Variants in CSMD1 observed in about 807,000 individuals in gnomAD.
The protein encoded by CSMD1 is CUB and Sushi multiple domains 1, also known as CUB and sushi domain-containing protein 1.
Under a neutral mutation model 417.5 loss-of-function variants are expected in CSMD1, and 213 were observed. That is an observed-to-expected ratio of 0.51 (90% CI 0.46 to 0.57). CSMD1 has a LOEUF of 0.57. Among genes scored for constraint, CSMD1 ranks in the 20% least tolerant of loss-of-function variants. The probability of loss-of-function intolerance (pLI) is 0.00; values close to 1 mark genes in which losing one functional copy is unlikely to be tolerated. For missense variants in CSMD1, 6,923 were observed against 4,529.7 expected, an observed-to-expected ratio of 1.53 and a Z score of -15.17; for synonymous variants, 2,862 against 1,736.8, an observed-to-expected ratio of 1.65 and a Z score of -16.11.
chr8:3,437,608 T>G (rs1814652643), intron 12 of CSMD1, among the ~76,000 whole-genome samples: 1 of 152,124 alleles, frequency 6.6e-6, no homozygotes, highest in Admixed American at 6.6e-5. Context: ...TCCTTCAGAG[T>G]AGATTCTCTT....
intron 10 of CSMD1, among the ~76,000 whole-genome samples, chr8:3,499,919 T>A (rs1020693192): frequency 6.6e-6 from 1 of 152,024 alleles, no homozygotes; most frequent in African/African-American, 2.4e-5. Context: ...AGGAACCCGG[T>A]GTGAGTTCTC....
intron 36 of CSMD1, among the ~76,000 whole-genome samples, chr8:3,186,486 G>C (rs1215172978): frequency 5.3e-5 from 8 of 152,156 alleles, no homozygotes; most frequent in Admixed American, 2.6e-4. Context: ...CACCTTAAAT[G>C]GCCATGCCCA....
chr8:3,136,561 G>A (rs1818104932), intron 41 of CSMD1, among the ~76,000 whole-genome samples: 2 of 152,016 alleles, frequency 1.3e-5, no homozygotes, highest in Admixed American at 6.6e-5. Flanking sequence ...CACCGTGACC[G>A]GCTCATCCCT....
At chr8:3,948,536 T>A (rs1038640306) in intron 5 of CSMD1, among the ~76,000 whole-genome samples, 13 of 152,126 alleles carry the variant, frequency 8.5e-5, no homozygotes, top group African/African-American at 3.1e-4. Flanking sequence ...TTTATATATA[T>A]TATATTTGGT....
intron 3 of CSMD1, among the ~76,000 whole-genome samples, chr8:4,243,471 G>C (rs1021627413): frequency 6.6e-6 from 1 of 152,142 alleles, no homozygotes; most frequent in African/African-American, 2.4e-5. Flanking sequence ...CTTCTAGCCA[G>C]TATGTCTACT....
At chr8:3,703,580 C>A (rs914072887) in intron 7 of CSMD1, among the ~76,000 whole-genome samples, 1 of 151,998 alleles carries the variant, frequency 6.6e-6, no homozygotes, top group Non-Finnish European at 1.5e-5. Context: ...CCCAAACTTT[C>A]AAGGGGCTCA....
chr8:3,694,861 A>G (rs1422608149), intron 7 of CSMD1, among the ~76,000 whole-genome samples: 1 of 152,050 alleles, frequency 6.6e-6, no homozygotes, highest in Non-Finnish European at 1.5e-5. Context: ...ACCGGATCCT[A>G]AAGACCATAG....
rs776728639 is a variant in CSMD1, at chr8:3,118,377, C to G, written c.6430+22G>C. On this transcript the variant is annotated intron_variant, in intron 42 of 69. Transcript: ENST00000635120. ...ATGCCCATGAAACATTAAATCGCCC[C>G]CATGCAAAGTGATGAACTTACCATC... is the stretch of plus-strand genomic sequence containing the variant. The G allele has an allele frequency of 4.5e-6, 7 of 1,569,698 alleles. No homozygotes were observed. The South Asian group carries it at 8.0e-5, about 18-fold the overall frequency.
chr8:4,819,722 A>G (rs1563489461), intron 1 of CSMD1, among the ~76,000 whole-genome samples: 1 of 152,074 alleles, frequency 6.6e-6, no homozygotes, highest in Non-Finnish European at 1.5e-5. Flanking sequence ...TACAGATAAA[A>G]CCATTGAACG....
intron 3 of CSMD1, among the ~76,000 whole-genome samples, chr8:4,037,760 A>C (rs1373254855): frequency 6.6e-6 from 1 of 152,194 alleles, no homozygotes; most frequent in Non-Finnish European, 1.5e-5. Flanking sequence ...TACTGCAAAC[A>C]GCCGTTAATA....
intron 3 of CSMD1, among the ~76,000 whole-genome samples, chr8:4,343,558 A>C (rs976248942): frequency 6.6e-6 from 1 of 152,172 alleles, no homozygotes; most frequent in African/African-American, 2.4e-5. Context: ...CTTGTCAATT[A>C]TATATCAATA....
At chr8:3,037,955 G>A (rs999452636) in intron 50 of CSMD1, among the ~76,000 whole-genome samples, 3 of 152,026 alleles carry the variant, frequency 2.0e-5, no homozygotes, top group Admixed American at 6.5e-5. Flanking sequence ...CCTTATTCCT[G>A]CCACTACTGT....
intron 1 of CSMD1, among the ~76,000 whole-genome samples, chr8:4,821,553 A>G (rs892557380): frequency 7.2e-5 from 11 of 152,188 alleles, no homozygotes; most frequent in Non-Finnish European, 1.3e-4. Context: ...AACTTAAAGC[A>G]TCATTGAAAT....
At chr8:4,442,072 A>C (rs1168329676) in intron 2 of CSMD1, among the ~76,000 whole-genome samples, 1 of 151,428 alleles carries the variant, frequency 6.6e-6, no homozygotes, top group Non-Finnish European at 1.5e-5. Context: ...AAAACTGCTC[A>C]GAGTTTGAGT....
intron 2 of CSMD1, among the ~76,000 whole-genome samples, chr8:4,549,722 C>G (rs1051960617): frequency 1.3e-5 from 2 of 151,640 alleles, no homozygotes; most frequent in Non-Finnish European, 2.9e-5. Flanking sequence ...AACCCCGTCT[C>G]TACTATAAAT....
At chr8:3,496,605 G>A (rs984810030) in intron 10 of CSMD1, among the ~76,000 whole-genome samples, 3 of 152,112 alleles carry the variant, frequency 2.0e-5, no homozygotes, top group Non-Finnish European at 4.4e-5. Flanking sequence ...AGGAGGGTGG[G>A]TCATGAGGTC....
intron 4 of CSMD1, among the ~76,000 whole-genome samples, chr8:4,004,420 C>CT (rs5889009): frequency 0.019 from 2,618 of 139,396 alleles, 35 homozygotes; most frequent in African/African-American, 0.043. Flanking sequence ...TGCCATGAAT[C>CT]TTTTTTTTTT....
At chr8:4,373,722 C>A (rs1046284685) in intron 3 of CSMD1, among the ~76,000 whole-genome samples, 5 of 152,046 alleles carry the variant, frequency 3.3e-5, no homozygotes, top group Non-Finnish European at 7.3e-5. Flanking sequence ...TGTCATCTTT[C>A]CCTCCGGGGA....
chr8:4,311,863 G>A (rs1044249099), intron 3 of CSMD1, among the ~76,000 whole-genome samples: 5 of 152,074 alleles, frequency 3.3e-5, no homozygotes, highest in African/African-American at 7.2e-5. Flanking sequence ...GTTAGGTACT[G>A]GGTATAATAC....
Sources: gnomAD v4.1 joint callset for allele counts (sites outside exome capture counted in the v4.1 genomes callset) on GRCh38, gnomAD v4.1.1 for gene constraint, MANE v1.5 for transcripts, NCBI Gene and HGNC (gene_info 2026-07-23, HGNC 2026-07-21) for gene names.